Variants in FRMPD4 observed in about 807,000 individuals in gnomAD.
FRMPD4 encodes FERM and PDZ domain containing 4, also known as FERM and PDZ domain-containing protein 4.
In FRMPD4, 22 loss-of-function variants were observed where a neutral mutation model predicts 94.1. The observed-to-expected ratio is 0.23, with a 90% CI of 0.17 to 0.33. The LOEUF is 0.33. FRMPD4 is among the 10% of genes least tolerant of loss of function. FRMPD4 has a pLI of 1.00. For synonymous variants in FRMPD4, 631 were observed against 548.6 expected (o/e 1.15, Z -2.10); for missense variants, 1,111 against 1,339.9 (o/e 0.83, Z 2.67).
At chrX:12,662,601 T>C (rs1417147614) in intron 4 of FRMPD4, among the ~76,000 whole-genome samples, 4 of 112,579 alleles carry the variant, frequency 3.6e-5, no homozygotes, top group South Asian at 3.7e-4. Context: ...CAGTCTATCA[T>C]TGATGGGCAT....
intron 14 of FRMPD4, among the ~76,000 whole-genome samples, chrX:12,714,954 C>T (rs1434642668): frequency 8.9e-6 from 1 of 112,563 alleles, no homozygotes; most frequent in Non-Finnish European, 1.9e-5. Context: ...CACTGTTCAG[C>T]ATTAAGTCCA....
chrX:12,420,858 C>A (rs2056873673), intron 1 of FRMPD4, among the ~76,000 whole-genome samples: 1 of 112,189 alleles, frequency 8.9e-6, no homozygotes, highest in African/African-American at 3.2e-5. Context: ...CCTTTTCCAG[C>A]TCCATCACTT....
chrX:12,458,015 T>A (rs954062735), intron 1 of FRMPD4, among the ~76,000 whole-genome samples: 1 of 111,729 alleles, frequency 9.0e-6, no homozygotes, highest in Non-Finnish European at 1.9e-5. Context: ...CCTAGACAAT[T>A]TGTACAATGT....
intron 2 of FRMPD4, among the ~76,000 whole-genome samples, chrX:11,871,801 G>C (rs2147306291): frequency 8.9e-6 from 1 of 111,765 alleles, no homozygotes; most frequent in East Asian, 2.8e-4. Context: ...ATGGGTGTAG[G>C]CTTGTGAATA....
At chrX:12,032,140 G>A (rs1454528726) in intron 3 of FRMPD4, among the ~76,000 whole-genome samples, 1 of 111,953 alleles carries the variant, frequency 8.9e-6, no homozygotes, top group South Asian at 3.7e-4. Context: ...AGGCAGGGGA[G>A]AATCTGAAAA....
In FRMPD4 at chrX:12,531,182, C is replaced by A. The variant is rs529253908; in HGVS notation, c.158+32386C>A. On this transcript the variant is annotated intron_variant, in intron 2 of 16. Coordinates refer to ENST00000675598, the MANE Select transcript of FRMPD4 (RefSeq NM_001368397.1). ...AAGAAAGAGTAGTTTCTTTGGAGAA[C>A]AAAACTAATTATTTGTGCAAATCAT... Among the ~76,000 whole-genome samples, 5 of 112,234 alleles carry A rather than the reference C, an allele frequency of 4.5e-5. No individual in the cohort carries two copies. The South Asian group carries it at 1.9e-3, about 42-fold the overall frequency.
At chrX:12,527,266 T>C (rs770372485) in intron 2 of FRMPD4, among the ~76,000 whole-genome samples, 1 of 111,758 alleles carries the variant, frequency 8.9e-6, no homozygotes, top group South Asian at 3.8e-4. Context: ...AATACAATGT[T>C]AGTGGCATCT....
chrX:12,643,064 T>G (rs1602251994), intron 4 of FRMPD4, among the ~76,000 whole-genome samples: 1 of 111,464 alleles, frequency 9.0e-6, no homozygotes, highest in Non-Finnish European at 1.9e-5. Flanking sequence ...GTCTACACCA[T>G]GAAAAGAAGT....
intron 1 of FRMPD4, among the ~76,000 whole-genome samples, chrX:12,406,705 C>T (rs5935331): frequency 0.24 from 26,465 of 111,448 alleles, 2,564 homozygotes; most frequent in Non-Finnish European, 0.31. Context: ...CAGTGAAGCT[C>T]CAACCAACCA....
At chrX:12,372,265 T>C (rs1175478978) in intron 1 of FRMPD4, among the ~76,000 whole-genome samples, 1 of 113,122 alleles carries the variant, frequency 8.8e-6, no homozygotes, top group Non-Finnish European at 1.9e-5. Flanking sequence ...TTTCAGAAGC[T>C]GCCGGAAACG....
chrX:12,230,835 T>C (rs1211559196), intron 1 of FRMPD4, among the ~76,000 whole-genome samples: 1 of 96,207 alleles, frequency 1.0e-5, no homozygotes, highest in African/African-American at 3.8e-5. Flanking sequence ...TTTCTAGACC[T>C]AACTACAAAG....
intron 1 of FRMPD4, among the ~76,000 whole-genome samples, chrX:12,165,346 A>T (rs1469523866): frequency 2.7e-5 from 3 of 111,702 alleles, no homozygotes; most frequent in African/African-American, 9.8e-5. Context: ...GTTTGTCAAA[A>T]ATCAGATAGT....
rs991240169 is a variant in FRMPD4, at chrX:12,284,269, G to A, written c.41+145257G>A. ...AATTTGGAATGTTTGTTTCGTAAAA[G>A]CATTCCTTCTGCAATGTACCCTAGA... On this transcript the variant is annotated intron_variant, in intron 1 of 16. Coordinates refer to ENST00000675598, the MANE Select transcript of FRMPD4 (RefSeq NM_001368397.1). 4.5e-5 allele frequency among the ~76,000 whole-genome samples: 5 copies of A among 111,530 alleles called. No homozygotes were observed. In the East Asian group the frequency reaches 1.1e-3, roughly 25 times the overall value.
chrX:12,210,981 G>A (rs1439548158), intron 1 of FRMPD4, among the ~76,000 whole-genome samples: 3 of 112,411 alleles, frequency 2.7e-5, no homozygotes, highest in Non-Finnish European at 5.6e-5. Context: ...TAAATAGAAT[G>A]TCTCTCTGAA....
intron 2 of FRMPD4, among the ~76,000 whole-genome samples, chrX:12,541,529 G>A (rs1210626204): frequency 9.0e-6 from 1 of 111,488 alleles, no homozygotes. Flanking sequence ...ATCCTCCCAA[G>A]ACTAAACCAG....
chrX:12,545,703 G>A lies in FRMPD4; in HGVS notation c.158+46907G>A, dbSNP rs1033729689. Among the ~76,000 whole-genome samples the A allele has an allele frequency of 2.7e-5, 3 of 112,844 alleles. No homozygotes were observed. The South Asian group carries it at 1.1e-3, about 41-fold the overall frequency. ...CCCATATTTTGGCTTATTTTAGAAAGAGCCAGAAAATGATGTTTAACGGTA... is the reference window on the plus strand; with the variant it reads ...CCCATATTTTGGCTTATTTTAGAAAAAGCCAGAAAATGATGTTTAACGGTA... On this transcript the variant is annotated intron_variant, in intron 2 of 16. Coordinates refer to ENST00000675598, the MANE Select transcript of FRMPD4 (RefSeq NM_001368397.1).
At chrX:11,972,926 A>G (rs2054348429) in intron 3 of FRMPD4, among the ~76,000 whole-genome samples, 1 of 112,493 alleles carries the variant, frequency 8.9e-6, no homozygotes, top group African/African-American at 3.2e-5. Context: ...ATTTTGGCCC[A>G]TAGAAGCTGC....
intron 1 of FRMPD4, among the ~76,000 whole-genome samples, chrX:12,395,403 C>T (rs963909687): frequency 2.6e-4 from 29 of 112,203 alleles, no homozygotes; most frequent in Non-Finnish European, 4.9e-4. Flanking sequence ...TTTTAAGGAG[C>T]AAAGTTTTCA....
At chrX:12,545,892 A>G (rs950020714) in intron 2 of FRMPD4, among the ~76,000 whole-genome samples, 1 of 112,928 alleles carries the variant, frequency 8.9e-6, no homozygotes, top group Non-Finnish European at 1.9e-5. Context: ...CCAGCAGCTC[A>G]TCTAGAAAGT....
Sources: allele counts gnomAD v4.1 joint callset (sites outside exome capture counted in the v4.1 genomes callset), GRCh38; gene constraint gnomAD v4.1.1; transcripts MANE v1.5; gene names NCBI Gene and HGNC (gene_info 2026-07-23, HGNC 2026-07-21).